CHM: variants seen among roughly 807,000 people sequenced by gnomAD.
CHM encodes CHM Rab escort protein.
In CHM, 10 loss-of-function variants were observed where a neutral mutation model predicts 49.0. The observed-to-expected ratio is 0.20, with a 90% CI of 0.13 to 0.35. The LOEUF is 0.35. Among genes scored for constraint, CHM ranks in the 10% least tolerant of loss-of-function variants. The pLI, the probability that CHM is intolerant of heterozygous loss-of-function variation, is 1.00. For missense variants in CHM, 455 were observed against 478.4 expected (o/e 0.95, Z 0.46); for synonymous variants, 184 against 167.5 (o/e 1.10, Z -0.76).
chrX:86,041,726 G>A (rs868536137), intron 1 of CHM, among the ~76,000 whole-genome samples: 2 of 83,735 alleles, frequency 2.4e-5, no homozygotes, highest in African/African-American at 8.7e-5. Context: ...TGGTGTGTGT[G>A]TATATATATA....
chrX:85,970,691 C>A (rs1457912745), intron 4 of CHM: 2 of 123,707 alleles, frequency 1.6e-5, no homozygotes, highest in African/African-American at 6.4e-5. Context: ...AAGATAATAT[C>A]CAATAAACAC....
At chrX:85,905,397 G>A (rs1304870939) in intron 9 of CHM, among the ~76,000 whole-genome samples, 1 of 111,821 alleles carries the variant, frequency 8.9e-6, no homozygotes, top group Non-Finnish European at 1.9e-5. Context: ...ACAACCATGT[G>A]CCAAGCACTG....
At chrX:86,019,245 T>C (rs1286205271) in intron 2 of CHM, among the ~76,000 whole-genome samples, 4 of 111,802 alleles carry the variant, frequency 3.6e-5, no homozygotes, top group South Asian at 7.4e-4. Context: ...AAATAACCAA[T>C]AGAGCAAAGA....
Position 85,862,026 on chromosome X carries a change from T to A in CHM, c.*2604A>T, listed in dbSNP as rs1442233801. 8.9e-6 allele frequency: 1 copy of A among 112,398 alleles called. No homozygotes were observed. The highest frequency in any genetic ancestry group is 2.8e-4 in the East Asian group (1 of 3,603). 9.3% of individuals were successfully genotyped at this position (112,398 alleles called of 1,213,427 possible). A position where few individuals can be genotyped will look rare whatever the true frequency, so the allele number is the denominator to read the frequency against. On this transcript the variant is annotated 3_prime_UTR_variant, in exon 15 of 15. Coordinates refer to ENST00000357749, the MANE Select transcript of CHM (RefSeq NM_000390.4). ...AGCTCTAAGAATAATTTCTGTTACA[T>A]TTTGAGGCAACAGGAAATATATAAA...
At chrX:85,928,312 G>A (rs547789689) in intron 8 of CHM, among the ~76,000 whole-genome samples, 2 of 111,889 alleles carry the variant, frequency 1.8e-5, no homozygotes, top group South Asian at 7.4e-4. Context: ...GGAGGCCGAG[G>A]CAGGCAGATA....
chrX:85,935,421 T>C (rs1175249730), intron 8 of CHM, among the ~76,000 whole-genome samples: 1 of 111,388 alleles, frequency 9.0e-6, no homozygotes, highest in Non-Finnish European at 1.9e-5. Flanking sequence ...TAACAACAGG[T>C]CTGAGAAATG....
chrX:86,041,854 T>C lies in CHM; in HGVS notation c.49+5630A>G, dbSNP rs918344918. On this transcript the variant is annotated intron_variant, in intron 1 of 14. Coordinates refer to ENST00000357749, the MANE Select transcript of CHM (RefSeq NM_000390.4). ...TGCTGGAATTCACTCCATGATCCAC[T>C]AATAGGTGGCATCTTACAATTTTTA... Among the ~76,000 whole-genome samples, 5 of 107,031 alleles carry C rather than the reference T, an allele frequency of 4.7e-5. No individual in the cohort carries two copies. The East Asian group carries it at 8.8e-4, about 19-fold the overall frequency. The allele number at this position is 107,031 out of a possible 115,157, so 92.9% of individuals were successfully genotyped here. A position where few individuals can be genotyped will look rare whatever the true frequency, so the allele number is the denominator to read the frequency against.
Position 85,981,798 on chromosome X carries a change from T to C in CHM, c.128A>G (p.Tyr43Cys), listed in dbSNP as rs141561651. The C allele has an allele frequency of 1.7e-5, 20 of 1,160,527 alleles. No homozygotes were observed. The highest frequency in any genetic ancestry group is 2.3e-5 in the Non-Finnish European group (20 of 865,211). The change falls in exon 3 of 15, where the codon TAT becomes TGT. Residue 43 changes from tyrosine (Y) to cysteine (C), a missense_variant. By Grantham distance (194) the Tyr-to-Cys change is radical. Coordinates refer to ENST00000357749, the MANE Select transcript of CHM (RefSeq NM_000390.4). ...GCTAAAACTGGCCCAGTTTCCTCCATAGTAGCTTCTTCTGTAACAATTAAA... is the reference window on the plus strand; with the variant it reads ...GCTAAAACTGGCCCAGTTTCCTCCACAGTAGCTTCTTCTGTAACAATTAAA... ...RVLHVDSRSY[Y>C]GGNWASFSFS...
chrX:85,945,833 A>C (rs1929375842), intron 8 of CHM, among the ~76,000 whole-genome samples: 1 of 111,704 alleles, frequency 9.0e-6, no homozygotes, highest in Non-Finnish European at 1.9e-5. Context: ...AGACAGGATA[A>C]ATGGCTCTGA....
At chrX:86,004,381 C>T (rs1232329714) in intron 2 of CHM, among the ~76,000 whole-genome samples, 1 of 111,784 alleles carries the variant, frequency 8.9e-6, no homozygotes, top group Non-Finnish European at 1.9e-5. Context: ...CAGCGAACAT[C>T]ATAATGACAG....
intron 8 of CHM, among the ~76,000 whole-genome samples, chrX:85,934,323 T>C (rs1451518214): frequency 3.2e-5 from 3 of 92,680 alleles, no homozygotes; most frequent in African/African-American, 1.2e-4. Context: ...ATGTGCACAA[T>C]GTGCAGGTTT....
intron 13 of CHM, among the ~76,000 whole-genome samples, chrX:85,877,718 G>A (rs916720226): frequency 1.9e-5 from 2 of 104,986 alleles, no homozygotes; most frequent in Non-Finnish European, 3.9e-5. Context: ...AAATATATAC[G>A]CCTAGTATGT....
chrX:85,980,746 A>T (rs1188896994), intron 3 of CHM, among the ~76,000 whole-genome samples: 1 of 111,202 alleles, frequency 9.0e-6, no homozygotes, highest in Non-Finnish European at 1.9e-5. Context: ...GATTTTTTTA[A>T]ATCTGTCTTA....
intron 5 of CHM, among the ~76,000 whole-genome samples, chrX:85,961,055 A>G (rs1186617793): frequency 1.8e-5 from 2 of 111,332 alleles, no homozygotes; most frequent in African/African-American, 6.5e-5. Flanking sequence ...TAATTATATC[A>G]TGATGTCTTT....
At chrX:86,001,354 CAA>C (rs370736422) in intron 2 of CHM, among the ~76,000 whole-genome samples, 12 of 94,811 alleles carry the variant, frequency 1.3e-4, no homozygotes, top group East Asian at 6.6e-4. Flanking sequence ...TGTTCATCTG[CAA>C]AAAAAAAAAA....
rs755469580 is a variant in CHM at position 85,963,707 on chromosome X, A to G, written c.660T>C (p.Ile220=). 2.5e-6 allele frequency: 3 copies of G among 1,199,782 alleles called. No individual in the cohort carries two copies. The highest frequency in any genetic ancestry group is 4.6e-4 in the Middle Eastern group (2 of 4,360). Residue 220 remains isoleucine (I), a synonymous_variant, in exon 5 of 15, where the codon ATT becomes ATC. Transcript: ENST00000357749. ...PKKNRITYSQ[I]IKEGRRFNID... is the part of the protein sequence containing the mutation. ...TATTAAATCTCCTGCCTTCTTTAAT[A>G]ATTTGTGAGTAAGTAATTCTGTTTT...
rs1425960313 is a variant in CHM at position 85,862,625 on chromosome X, G to A, written c.*2005C>T. 2 of 111,981 alleles carry A rather than the reference G, an allele frequency of 1.8e-5. No individual in the cohort carries two copies. The allele number at this position is 111,981 out of a possible 1,213,427, so 9.2% of individuals were successfully genotyped here. A position where few individuals can be genotyped will look rare whatever the true frequency, so the allele number is the denominator to read the frequency against. On this transcript the variant is annotated 3_prime_UTR_variant, in exon 15 of 15. Transcript: ENST00000357749. ...ATAAAAGGGGAAGTGAGGGAAAGGG[G>A]ACTAAAGAGATGGGGAGGGGCTGTA...
At chrX:86,026,102 C>CTTTTTTTTTCTTTTTTTTT (rs1933804166) in intron 2 of CHM, among the ~76,000 whole-genome samples, 1 of 26,767 alleles carries the variant, frequency 3.7e-5, no homozygotes, top group African/African-American at 1.1e-4. Context: ...AGCAGATTTT[C>CTTTTTTTTTCTTTTTTTTT]TTTTTTTTTT....
intron 8 of CHM, among the ~76,000 whole-genome samples, chrX:85,930,966 A>G (rs749860536): frequency 8.9e-6 from 1 of 111,882 alleles, no homozygotes; most frequent in East Asian, 2.8e-4. Flanking sequence ...TTACAAAATG[A>G]TACCATATTG....
Sources: allele counts gnomAD v4.1 joint callset (sites outside exome capture counted in the v4.1 genomes callset), GRCh38; gene constraint gnomAD v4.1.1; transcripts MANE v1.5; gene names NCBI Gene and HGNC (gene_info 2026-07-23, HGNC 2026-07-21).